Variants in SETBP1 observed in about 807,000 individuals in gnomAD.
SETBP1 encodes SET-binding protein.
Under a neutral mutation model 101.0 loss-of-function variants are expected in SETBP1, and 9 were observed. The observed-to-expected ratio is 0.09, with a 90% CI of 0.05 to 0.16. The LOEUF (loss-of-function observed/expected upper bound fraction) is 0.16. Among genes scored for constraint, SETBP1 ranks in the 10% least tolerant of loss-of-function variants. The pLI is 1.00. For missense variants in SETBP1, 1,858 were observed against 2,033.8 expected (o/e 0.91, Z 1.66); for synonymous variants, 818 against 788.5 (o/e 1.04, Z -0.63).
intron 4 of SETBP1, among the ~76,000 whole-genome samples, chr18:45,012,725 C>A (rs1308922747): frequency 6.6e-6 from 1 of 152,184 alleles, no homozygotes; most frequent in East Asian, 1.9e-4. Flanking sequence ...ATGGATGGAA[C>A]TACCAGCCAT....
intron 5 of SETBP1, among the ~76,000 whole-genome samples, chr18:45,049,794 G>A (rs988828205): frequency 2.6e-5 from 4 of 152,072 alleles, no homozygotes; most frequent in Non-Finnish European, 4.4e-5. Flanking sequence ...AATATCTTCC[G>A]TTATTTAATT....
chr18:44,922,181 G>A (rs138411230), intron 3 of SETBP1, among the ~76,000 whole-genome samples: 22 of 152,212 alleles, frequency 1.4e-4, no homozygotes, highest in African/African-American at 3.6e-4. Context: ...GAGCGCATGC[G>A]CAGGAAGAGA....
intron 2 of SETBP1, among the ~76,000 whole-genome samples, chr18:44,775,703 C>T (rs2070985968): frequency 6.8e-6 from 1 of 147,336 alleles, no homozygotes; most frequent in Admixed American, 6.8e-5. Context: ...GTGTAGAGAG[C>T]ACCATTTTTT....
chr18:44,708,027 G>A (rs766357464), intron 2 of SETBP1, among the ~76,000 whole-genome samples: 11 of 152,274 alleles, frequency 7.2e-5, no homozygotes, highest in East Asian at 1.9e-4. Flanking sequence ...TAGCAATTTC[G>A]TTTACACGTG....
intron 1 of SETBP1, among the ~76,000 whole-genome samples, chr18:44,689,776 G>A (rs910558360): frequency 1.3e-5 from 2 of 152,178 alleles, no homozygotes; most frequent in African/African-American, 4.8e-5. Context: ...CATCCATTTG[G>A]GAATGTAGAG....
chr18:45,018,884 TA>T (rs1771609452), intron 4 of SETBP1, among the ~76,000 whole-genome samples: 1 of 151,974 alleles, frequency 6.6e-6, no homozygotes, highest in African/African-American at 2.4e-5. Flanking sequence ...AAGTTCTGAG[TA>T]AGGGAGGTTA....
intron 4 of SETBP1, among the ~76,000 whole-genome samples, chr18:44,984,654 G>A (rs903628944): frequency 1.1e-4 from 17 of 152,160 alleles, no homozygotes; most frequent in African/African-American, 3.9e-4. Flanking sequence ...TCATCAGGAT[G>A]TGGTGTGGAT....
chr18:44,950,362 A>G lies in SETBP1; in HGVS notation c.1022A>G (p.Asp341Gly), dbSNP rs2071312144. ...VGSKKKSSKK[D>G]VISQTIPNPD... ...AGCAAGAAAAAGTCCAGTAAAAAAG[A>G]TGTGATAAGTCAGACCATACCAAAC... The change falls in exon 4 of 6, where the codon GAT becomes GGT. Residue 341 changes from aspartate to glycine, a missense_variant. Around this residue, in one of 12 missense-constraint regions of SETBP1, gnomAD observed 581 missense variants for 535.1 expected, o/e 1.09. Coordinates refer to ENST00000649279, the MANE Select transcript of SETBP1 (RefSeq NM_015559.3). 4 of 1,614,142 alleles carry G rather than the reference A, an allele frequency of 2.5e-6. No homozygotes were observed. Among genetic ancestry groups the G allele is most frequent in the Non-Finnish European group, 3.4e-6 (4 of 1,180,040 alleles).
At chr18:44,920,561 GA>G (rs1270036929) in intron 3 of SETBP1, among the ~76,000 whole-genome samples, 3 of 152,200 alleles carry the variant, frequency 2.0e-5, no homozygotes, top group African/African-American at 4.8e-5. Context: ...GGTGCAGGAA[GA>G]TCAGACGAGT....
chr18:44,994,643 G>A (rs1018467030), intron 4 of SETBP1, among the ~76,000 whole-genome samples: 11 of 152,122 alleles, frequency 7.2e-5, no homozygotes, highest in African/African-American at 2.2e-4. Flanking sequence ...CAACTTGGTT[G>A]CCCATTGACA....
At chr18:44,737,991 T>C (rs898002952) in intron 2 of SETBP1, among the ~76,000 whole-genome samples, 1 of 152,218 alleles carries the variant, frequency 6.6e-6, no homozygotes, top group Non-Finnish European at 1.5e-5. Flanking sequence ...ATTTATGAAT[T>C]ATCTTTTTTG....
At chr18:44,860,239 G>A (rs1599236432) in intron 2 of SETBP1, among the ~76,000 whole-genome samples, 3 of 152,138 alleles carry the variant, frequency 2.0e-5, no homozygotes, top group East Asian at 3.9e-4. Flanking sequence ...GTTCAAGGAG[G>A]GAATCCTCCT....
At position 44,701,889 on chromosome 18, in the gene SETBP1, T is replaced by C. The variant is rs112043795; in HGVS notation, c.486+57T>C. Reference sequence around the variant, plus strand: ...TTGTTTCTCTGTTTTTGCCATTTTATCCTCAACTTCTTAGGGTCTATTTAT... The same window carrying C: ...TTGTTTCTCTGTTTTTGCCATTTTACCCTCAACTTCTTAGGGTCTATTTAT... On this transcript the variant is annotated intron_variant, in intron 2 of 5. Transcript: ENST00000649279. 42 of 1,579,290 alleles carry C rather than the reference T, an allele frequency of 2.7e-5. 1 individual carries two copies. Among genetic ancestry groups the C allele is most frequent in the African/African-American group, 2.6e-4 (19 of 74,354 alleles).
At chr18:44,772,435 C>A (rs1379003294) in intron 2 of SETBP1, among the ~76,000 whole-genome samples, 1 of 152,198 alleles carries the variant, frequency 6.6e-6, no homozygotes, top group African/African-American at 2.4e-5. Context: ...CCTTTGGAGT[C>A]CTGCCCTGGC....
In SETBP1 at chr18:44,797,051, G is replaced by T. The variant is rs1404157969; in HGVS notation, c.487-72179G>T. 2.0e-5 allele frequency among the ~76,000 whole-genome samples: 3 copies of T among 152,132 alleles called. 1 individual carries two copies. Among genetic ancestry groups the T allele is most frequent in the African/African-American group, 7.2e-5 (3 of 41,412 alleles). ...TCTGCCAGTGATGTATTAATTAGCT[G>T]GGGCACTGCACCTTAACGAACAGGT... On this transcript the variant is annotated intron_variant, in intron 2 of 5. Coordinates refer to ENST00000649279, the MANE Select transcript of SETBP1 (RefSeq NM_015559.3).
chr18:44,843,671 C>T (rs898339491), intron 2 of SETBP1, among the ~76,000 whole-genome samples: 1 of 152,174 alleles, frequency 6.6e-6, no homozygotes, highest in African/African-American at 2.4e-5. Flanking sequence ...ACATGCCTCT[C>T]CAGTCAAAGG....
chr18:44,717,350 G>T (rs1012035180), intron 2 of SETBP1, among the ~76,000 whole-genome samples: 2 of 152,232 alleles, frequency 1.3e-5, no homozygotes, highest in Non-Finnish European at 2.9e-5. Flanking sequence ...GTCGAATCTT[G>T]AGAAAGCTGT....
In SETBP1 at chr18:44,951,798, A is replaced by G. The variant is rs1247158059; in HGVS notation, c.2458A>G (p.Lys820Glu). ...PISALPTKTQ[K>E]GIHSGTWKLS... ...CAGTGCTCTTCCAACCAAAACCCAA[A>G]AGGGAATACACAGTGGAACCTGGAA... is the stretch of plus-strand genomic sequence containing the variant. Residue 820 changes from lysine (K) to glutamate (E), a missense_variant, in exon 4 of 6, where the codon AAG (lysine) becomes GAG (glutamate). Lys to Glu is a moderately conservative substitution (Grantham distance 56). This residue lies in a region of SETBP1 where 121 missense variants were observed against 138.0 expected (regional missense o/e 0.88). Coordinates refer to ENST00000649279, the MANE Select transcript of SETBP1 (RefSeq NM_015559.3). This position sits in a 1 kb window ranked among gnomAD's most constrained non-coding sequence, Gnocchi z 7.8. 6.2e-7 allele frequency: 1 copy of G among 1,613,822 alleles called. No homozygotes were observed. Among genetic ancestry groups the G allele is most frequent in the Non-Finnish European group, 8.5e-7 (1 of 1,180,014 alleles).
At chr18:44,772,674 G>A (rs938836669) in intron 2 of SETBP1, among the ~76,000 whole-genome samples, 6 of 152,142 alleles carry the variant, frequency 3.9e-5, no homozygotes, top group African/African-American at 1.2e-4. Context: ...GGACTGAACT[G>A]GTTTGAATCC....
Sources: gnomAD v4.1 joint callset for allele counts (sites outside exome capture counted in the v4.1 genomes callset) on GRCh38, gnomAD v4.1.1 for gene constraint, gnomAD v4.1.1 regional missense constraint, Gnocchi (gnomAD v3.1) non-coding constraint, MANE v1.5 for transcripts, NCBI Gene and HGNC (gene_info 2026-07-23, HGNC 2026-07-21) for gene names.